The following GRIK4 variants were observed in gnomAD, a reference collection of about 807,000 sequenced individuals.
The protein encoded by GRIK4 is glutamate ionotropic receptor kainate type subunit 4, also known as glutamate receptor ionotropic, kainate 4.
In GRIK4, 40 loss-of-function variants were observed where a neutral mutation model predicts 104.9. That is an observed-to-expected ratio of 0.38 (90% CI 0.30 to 0.50). The LOEUF (loss-of-function observed/expected upper bound fraction) is 0.50, where lower values mean the gene tolerates loss of function less well. GRIK4 is among the 20% of genes least tolerant of loss of function. GRIK4 has a pLI of 0.93. For missense variants in GRIK4, 1,047 were observed against 1,308.1 expected, an observed-to-expected ratio of 0.80 and a Z score of 3.08; for synonymous variants, 485 against 524.9, an observed-to-expected ratio of 0.92 and a Z score of 1.04.
chr11:120,599,638 C>G (rs749377437), intron 1 of GRIK4, among the ~76,000 whole-genome samples: 42 of 152,204 alleles, frequency 2.8e-4, no homozygotes, highest in Non-Finnish European at 6.0e-4. Flanking sequence ...GATATAGTGC[C>G]CCGTTTTCAG....
chr11:120,712,101 A>G (rs1396792790), intron 3 of GRIK4, among the ~76,000 whole-genome samples: 2 of 152,250 alleles, frequency 1.3e-5, no homozygotes, highest in African/African-American at 2.4e-5. Flanking sequence ...TGGACATGTC[A>G]ATAAATAGTG....
At chr11:120,857,178 T>A (rs1337155843) in intron 8 of GRIK4, among the ~76,000 whole-genome samples, 4 of 152,198 alleles carry the variant, frequency 2.6e-5, no homozygotes, top group African/African-American at 9.6e-5. Flanking sequence ...TCTGGGGCCA[T>A]GCCCAACTCA....
intron 1 of GRIK4, among the ~76,000 whole-genome samples, chr11:120,610,549 C>A (rs560728572): frequency 6.6e-6 from 1 of 152,084 alleles, no homozygotes; most frequent in Non-Finnish European, 1.5e-5. Flanking sequence ...CCCAGGCAGC[C>A]GGAGTGGAGG....
intron 7 of GRIK4, among the ~76,000 whole-genome samples, chr11:120,832,411 A>G (rs1025935378): frequency 1.3e-5 from 2 of 152,234 alleles, no homozygotes; most frequent in African/African-American, 4.8e-5. Flanking sequence ...GTTTAACAAC[A>G]GGACCATCAC....
intron 11 of GRIK4, among the ~76,000 whole-genome samples, chr11:120,889,230 T>C (rs1955204147): frequency 6.6e-6 from 1 of 152,216 alleles, no homozygotes; most frequent in African/African-American, 2.4e-5. Context: ...TACTCCCTCG[T>C]GCCAAGGTGT....
chr11:120,765,078 C>T (rs1272703305), intron 3 of GRIK4, among the ~76,000 whole-genome samples: 1 of 152,160 alleles, frequency 6.6e-6, no homozygotes, highest in Non-Finnish European at 1.5e-5. Flanking sequence ...TTCTCCCCGT[C>T]ACTTTCAGGT....
At chr11:120,577,159 A>G (rs1948496068) in intron 1 of GRIK4, among the ~76,000 whole-genome samples, 1 of 152,234 alleles carries the variant, frequency 6.6e-6, no homozygotes, top group South Asian at 2.1e-4. Flanking sequence ...TGTTTCTTTC[A>G]AGGAAAGATT....
intron 1 of GRIK4, among the ~76,000 whole-genome samples, chr11:120,520,041 C>T (rs1947778538): frequency 6.6e-6 from 1 of 151,860 alleles, no homozygotes; most frequent in African/African-American, 2.4e-5. Context: ...TCTAGGTGCC[C>T]ACCACCACAC....
chr11:120,603,855 G>A (rs895015328), intron 1 of GRIK4, among the ~76,000 whole-genome samples: 6 of 152,106 alleles, frequency 3.9e-5, no homozygotes, highest in African/African-American at 1.2e-4. Flanking sequence ...ACAATGCATA[G>A]GGCAGCCCTG....
chr11:120,707,775 A>C (rs980490749), intron 3 of GRIK4, among the ~76,000 whole-genome samples: 1 of 152,160 alleles, frequency 6.6e-6, no homozygotes, highest in African/African-American at 2.4e-5. Context: ...GGTGCTGGCT[A>C]CAGGCTGGAG....
rs1322771418 is a variant in GRIK4 at position 120,988,817 on chromosome 11, G to T, written c.*2557G>T. ...AACAAATCCTGAAATGTTAGTGATG[G>T]ATGACAGCTGTTTGGGTTTAGAAAG... On this transcript the variant is annotated 3_prime_UTR_variant, in exon 21 of 21. Transcript: ENST00000527524. The T allele has an allele frequency of 6.6e-6, 1 of 152,150 alleles. No individual in the cohort carries two copies. The highest frequency in any genetic ancestry group is 1.5e-5 in the Non-Finnish European group (1 of 68,034). 9.4% of individuals were successfully genotyped at this position (152,150 alleles called of 1,614,324 possible).
chr11:120,581,860 G>A (rs370813122), intron 1 of GRIK4, among the ~76,000 whole-genome samples: 4 of 151,382 alleles, frequency 2.6e-5, no homozygotes, highest in African/African-American at 9.7e-5. Context: ...AGGCTGGAGT[G>A]CAGTGGCGTG....
Position 120,903,198 on chromosome 11 carries a change from C to T in GRIK4, c.1273-2092C>T, listed in dbSNP as rs1942782542. On this transcript the variant is annotated intron_variant, in intron 12 of 20. Coordinates refer to ENST00000527524, the MANE Select transcript of GRIK4 (RefSeq NM_014619.5). This position sits in a 1 kb window ranked among gnomAD's most constrained non-coding sequence, Gnocchi z 4.4. Reference sequence around the variant, plus strand: ...ACCCAAGCCCGATTGTCCCTGCCACCCCTGCTCCCAGCTGCCTGTCTGCAT... The same window carrying T: ...ACCCAAGCCCGATTGTCCCTGCCACTCCTGCTCCCAGCTGCCTGTCTGCAT... 6.6e-6 allele frequency among the ~76,000 whole-genome samples: 1 copy of T among 152,158 alleles called. No individual in the cohort carries two copies. Among genetic ancestry groups the T allele is most frequent in the South Asian group, 2.1e-4 (1 of 4,820 alleles).
chr11:120,720,857 A>AGGAATGGAGGGTGAGGATGGAG (rs1261346736), intron 3 of GRIK4, among the ~76,000 whole-genome samples: 2 of 152,098 alleles, frequency 1.3e-5, no homozygotes, highest in Non-Finnish European at 2.9e-5. Context: ...GAAAGGTTAG[A>AGGAATGGAGGGTGAGGATGGAG]GGAATGGAGG....
rs1030608293 is a variant in GRIK4 at position 120,511,785 on chromosome 11, G to A, written c.-261G>A. On this transcript the variant is annotated 5_prime_UTR_variant, in exon 1 of 21. Transcript: ENST00000527524. ...GCTGCGGGCGGATCGGGCTGGAGCC[G>A]CCACGGCTGCTGCGGAAGAGGAAAA... 6 of 358,898 alleles carry A rather than the reference G, an allele frequency of 1.7e-5. No individual in the cohort carries two copies. Among genetic ancestry groups the A allele is most frequent in the Non-Finnish European group, 2.8e-5 (5 of 178,012 alleles). 22.2% of individuals were successfully genotyped at this position (358,898 alleles called of 1,614,324 possible).
intron 3 of GRIK4, among the ~76,000 whole-genome samples, chr11:120,734,256 G>A (rs1202663021): frequency 1.3e-5 from 2 of 151,932 alleles, no homozygotes; most frequent in Non-Finnish European, 2.9e-5. Flanking sequence ...GCTTTTGTTT[G>A]TCTGGGAAAG....
At chr11:120,932,433 C>T (rs529689581) in intron 13 of GRIK4, among the ~76,000 whole-genome samples, 54 of 151,486 alleles carry the variant, frequency 3.6e-4, no homozygotes, top group Admixed American at 1.5e-3. Flanking sequence ...TTACTCTCGG[C>T]CCATATCCTC....
chr11:120,845,535 T>A (rs896508162), intron 8 of GRIK4, among the ~76,000 whole-genome samples: 11 of 152,172 alleles, frequency 7.2e-5, no homozygotes, highest in African/African-American at 2.7e-4. Context: ...AACATTTCAG[T>A]TGGCCTCTCA....
At chr11:120,700,121 A>G (rs1195023930) in intron 3 of GRIK4, among the ~76,000 whole-genome samples, 1 of 150,720 alleles carries the variant, frequency 6.6e-6, no homozygotes, top group Admixed American at 6.6e-5. Flanking sequence ...ATGATCTCAT[A>G]GTTGGTTTTT....
Sources: allele counts gnomAD v4.1 joint callset (sites outside exome capture counted in the v4.1 genomes callset), GRCh38; gene constraint gnomAD v4.1.1; non-coding constraint Gnocchi (gnomAD v3.1); transcripts MANE v1.5; gene names NCBI Gene and HGNC (gene_info 2026-07-23, HGNC 2026-07-21).